The following ATG14 variants were observed in gnomAD, a reference collection of about 807,000 sequenced individuals.
ATG14 encodes beclin 1-associated autophagy-related key regulator.
In ATG14, 35 loss-of-function variants were observed where a neutral mutation model predicts 60.4. The observed-to-expected ratio is 0.58, with a 90% CI of 0.44 to 0.77. The LOEUF is 0.77. Among genes scored for constraint, ATG14 ranks in the 30% least tolerant of loss-of-function variants. The probability of loss-of-function intolerance (pLI) is 0.00; values close to 1 mark genes in which losing one functional copy is unlikely to be tolerated. For synonymous variants in ATG14, 234 were observed against 228.8 expected, an observed-to-expected ratio of 1.02 and a Z score of -0.21; for missense variants, 647 against 626.3, an observed-to-expected ratio of 1.03 and a Z score of -0.35.
At position 55,390,892 on chromosome 14, in the gene ATG14, A is replaced by G. The variant is rs540695565; in HGVS notation, c.409+19T>C. On this transcript the variant is annotated intron_variant, in intron 4 of 9. Coordinates refer to ENST00000247178, the MANE Select transcript of ATG14 (RefSeq NM_014924.5). The stretch of plus-strand genomic sequence containing the variant: ...ATAGGCACTTTCTAGGGCTGGAAGG[A>G]AGGACACGAATTACTTACTTTTCTC... The G allele has an allele frequency of 3.5e-5, 53 of 1,522,446 alleles. No individual in the cohort carries two copies. In the South Asian group the frequency reaches 4.0e-4, roughly 11 times the overall value. The allele number at this position is 1,522,446 out of a possible 1,614,324, so 94.3% of individuals were successfully genotyped here. A position where few individuals can be genotyped will look rare whatever the true frequency, so the allele number is the denominator to read the frequency against.
chr14:55,411,450 C>T, intron 1 of ATG14, 152 bp downstream of exon 1: 1 of 784,142 alleles, frequency 1.3e-6, no homozygotes, highest in South Asian at 1.8e-5. Context: ...GGTAGCAAAG[C>T]TCCGGTGCAG....
intron 9 of ATG14, among the ~76,000 whole-genome samples, chr14:55,375,369 T>C (rs1884897787): frequency 6.6e-6 from 1 of 152,124 alleles, no homozygotes; most frequent in African/African-American, 2.4e-5. Context: ...CATTCTGTCA[T>C]CCAGGTTGGA....
At chr14:55,396,380 G>A (rs1470384836) in intron 2 of ATG14, among the ~76,000 whole-genome samples, 2 of 152,170 alleles carry the variant, frequency 1.3e-5, no homozygotes, top group African/African-American at 4.8e-5. Context: ...AATGTTCTAT[G>A]GGAAAAATAA....
chr14:55,392,167 G>A (rs1885229114), intron 3 of ATG14, among the ~76,000 whole-genome samples: 1 of 152,154 alleles, frequency 6.6e-6, no homozygotes. Flanking sequence ...GTCCATAATA[G>A]AGTTCGCACT....
intron 3 of ATG14, chr14:55,395,064 C>G: frequency 2.0e-6 from 1 of 502,004 alleles, no homozygotes; most frequent in Non-Finnish European, 4.0e-6. Flanking sequence ...CCTTTGCTCC[C>G]CTTTTCCCTT....
Position 55,378,035 on chromosome 14 carries a change from A to G in ATG14, c.1035T>C (p.Thr345=). ...CGENLSKQKF[T]RAVKKLNANI... ...TTGCATTCAGTTTCTTCACTGCTCG[A>G]GTAAATTTCTGCTTGCTTAGATTTT... Residue 345 remains threonine, a synonymous_variant, in exon 8 of 10, where the codon ACT becomes ACC. Transcript: ENST00000247178. 6.2e-7 allele frequency: 1 copy of G among 1,613,180 alleles called. No homozygotes were observed. The highest frequency in any genetic ancestry group is 8.5e-7 in the Non-Finnish European group (1 of 1,179,272).
chr14:55,380,729 T>G, intron 6 of ATG14, 39 bp from the exon 7 acceptor site: 1 of 1,389,106 alleles, frequency 7.2e-7, no homozygotes, highest in Non-Finnish European at 1.0e-6. Flanking sequence ...AAAACCTTAA[T>G]TCCAACAAAA....
intron 3 of ATG14, chr14:55,391,424 C>T (rs1165584085): frequency 2.7e-5 from 4 of 147,362 alleles, no homozygotes; most frequent in Non-Finnish European, 5.9e-5. Context: ...TGCAGTGAGC[C>T]GAGATCACGC....
At chr14:55,395,050 T>TC in intron 3 of ATG14, 1 of 497,408 alleles carries the variant, frequency 2.0e-6, no homozygotes, top group Non-Finnish European at 4.1e-6. Flanking sequence ...TTCTGACTTT[T>TC]CCCCCTTTGC....
At chr14:55,381,641 C>A (rs1218977430) in intron 6 of ATG14, among the ~76,000 whole-genome samples, 2 of 152,170 alleles carry the variant, frequency 1.3e-5, no homozygotes, top group African/African-American at 4.8e-5. Flanking sequence ...TGAAAGAAGT[C>A]TGACACAAAA....
At chr14:55,389,019 G>A (rs1273281249) in intron 4 of ATG14, among the ~76,000 whole-genome samples, 1 of 152,124 alleles carries the variant, frequency 6.6e-6, no homozygotes, top group Non-Finnish European at 1.5e-5. Context: ...CTAAGTCCAG[G>A]ATAGATCCTA....
intron 1 of ATG14, among the ~76,000 whole-genome samples, chr14:55,407,221 C>G (rs1283935578): frequency 6.6e-6 from 1 of 152,152 alleles, no homozygotes; most frequent in East Asian, 1.9e-4. Context: ...CTCCGCCTCC[C>G]GGGTTCAGGC....
At chr14:55,405,889 C>CGG (rs938062536) in intron 1 of ATG14, among the ~76,000 whole-genome samples, 23 of 39,810 alleles carry the variant, frequency 5.8e-4, no homozygotes, top group Non-Finnish European at 8.9e-4. Flanking sequence ...GGTGGGGTGG[C>CGG]GGGGGGGGCA....
intron 1 of ATG14, among the ~76,000 whole-genome samples, chr14:55,399,715 AAAT>A (rs1885367938): frequency 1.3e-5 from 2 of 152,348 alleles, no homozygotes; most frequent in South Asian, 4.1e-4. Flanking sequence ...GATAATTAGA[AAAT>A]AATAAACTCA....
Position 55,405,416 on chromosome 14 carries a change from T to C in ATG14, c.221+6186A>G, listed in dbSNP as rs1182626301. Among the ~76,000 whole-genome samples, 3 of 152,214 alleles carry C rather than the reference T, an allele frequency of 2.0e-5. No homozygotes were observed. The East Asian group carries it at 5.8e-4, about 29-fold the overall frequency. On this transcript the variant is annotated intron_variant, in intron 1 of 9. Transcript: ENST00000247178. ...AAGTATAATCATATATTCTAAAACT[T>C]GTCAGTGAAGGTAATGTGGCATCAT...
At chr14:55,393,318 G>A (rs898269911) in intron 3 of ATG14, among the ~76,000 whole-genome samples, 3 of 152,026 alleles carry the variant, frequency 2.0e-5, no homozygotes, top group Non-Finnish European at 4.4e-5. Flanking sequence ...CCAGGAGGTG[G>A]AGGTTGCAGT....
At chr14:55,380,748 A>G (rs946059) in intron 6 of ATG14, 58 bp from the exon 7 acceptor site, 509,158 of 1,108,126 alleles carry the variant, frequency 0.46, 124,929 homozygotes, top group African/African-American at 0.87. Flanking sequence ...AACTACTAAT[A>G]ATCCACGAGT....
chr14:55,408,831 G>A (rs990187469), intron 1 of ATG14, among the ~76,000 whole-genome samples: 1 of 152,146 alleles, frequency 6.6e-6, no homozygotes, highest in African/African-American at 2.4e-5. Context: ...CAATTCAAGG[G>A]AGCATGAGTC....
Position 55,394,248 on chromosome 14 carries a change from A to C in ATG14, c.327+1692T>G, listed in dbSNP as rs931834072. Among the ~76,000 whole-genome samples, 3 of 151,780 alleles carry C rather than the reference A, an allele frequency of 2.0e-5. No homozygotes were observed. The East Asian group carries it at 5.8e-4, about 29-fold the overall frequency. On this transcript the variant is annotated intron_variant, in intron 3 of 9. Transcript: ENST00000247178. ...TCTCGAACTCCTGACCTTGTGATCC[A>C]CTTGCCTCAGCCTCCCAAAGTGCTG...
Sources: allele counts gnomAD v4.1 joint callset (sites outside exome capture counted in the v4.1 genomes callset), GRCh38; gene constraint gnomAD v4.1.1; transcripts MANE v1.5; gene names NCBI Gene and HGNC (gene_info 2026-07-23, HGNC 2026-07-21).